The following FBXW8 variants were observed in gnomAD, a reference collection of about 807,000 sequenced individuals.
FBXW8 encodes the protein F-box and WD repeat domain containing 8, also known as F-box/WD repeat-containing protein 8.
A neutral mutation model predicts 65.3 loss-of-function variants in FBXW8; 57 were observed. The observed-to-expected ratio is 0.87, with a 90% CI of 0.71 to 1.09. The LOEUF (loss-of-function observed/expected upper bound fraction) is 1.09. FBXW8 is among the 50% of genes least tolerant of loss of function. The probability of loss-of-function intolerance (pLI) is 0.00; values close to 1 mark genes in which losing one functional copy is unlikely to be tolerated. For synonymous variants in FBXW8, 308 were observed against 330.2 expected (o/e 0.93, Z 0.73); for missense variants, 777 against 814.8 (o/e 0.95, Z 0.57).
rs575068135 is a variant in FBXW8, at chr12:117,028,588, T to C, written c.*416T>C. ...CTTTTCCTCCGAGGGCCTTTGGATG[T>C]GCTTGTTCCTGGCCTCCAAGGCAAT... On this transcript the variant is annotated 3_prime_UTR_variant, in exon 11 of 11. Coordinates refer to ENST00000652555, the MANE Select transcript of FBXW8 (RefSeq NM_153348.3). The surrounding 1 kb of genome is among the most constrained non-coding windows in gnomAD (Gnocchi z 4.1). 4.0e-5 allele frequency: 7 copies of C among 174,584 alleles called. No individual in the cohort carries two copies. In the South Asian group the frequency reaches 1.0e-3, roughly 26 times the overall value. The allele number at this position is 174,584 out of a possible 1,614,324, so 10.8% of individuals were successfully genotyped here.
At chr12:116,926,162 G>T (rs1038216465) in intron 1 of FBXW8, among the ~76,000 whole-genome samples, 6 of 152,212 alleles carry the variant, frequency 3.9e-5, no homozygotes, top group African/African-American at 1.4e-4. Context: ...ATAGCATCAA[G>T]TCCAGACACC....
At chr12:116,984,616 G>A (rs1885536587) in intron 5 of FBXW8, among the ~76,000 whole-genome samples, 1 of 152,222 alleles carries the variant, frequency 6.6e-6, no homozygotes, top group African/African-American at 2.4e-5. Context: ...GCTACATGTA[G>A]GAAATTTCAC....
chr12:116,967,159 C>CT (rs769662348), intron 5 of FBXW8, among the ~76,000 whole-genome samples: 4,632 of 142,164 alleles, frequency 0.033, 183 homozygotes, highest in African/African-American at 0.092. Flanking sequence ...TTCTCTGCAC[C>CT]TTTTTTTTTT....
intron 4 of FBXW8, among the ~76,000 whole-genome samples, chr12:116,951,835 G>A (rs959354370): frequency 2.0e-5 from 3 of 152,270 alleles, no homozygotes; most frequent in South Asian, 4.1e-4. Flanking sequence ...ATAGTCACTC[G>A]TTGATAAACG....
chr12:116,989,901 T>G (rs1382644806), intron 7 of FBXW8, among the ~76,000 whole-genome samples: 1 of 152,208 alleles, frequency 6.6e-6, no homozygotes, highest in Non-Finnish European at 1.5e-5. Flanking sequence ...AGTTGTAGGA[T>G]TAAATGAAAA....
intron 7 of FBXW8, among the ~76,000 whole-genome samples, chr12:117,001,791 C>G (rs1953528365): frequency 6.6e-6 from 1 of 152,166 alleles, no homozygotes; most frequent in Non-Finnish European, 1.5e-5. Context: ...CTTCGCTGGA[C>G]TCACTGCTCT....
chr12:116,947,858 C>T (rs1336343525), intron 3 of FBXW8, among the ~76,000 whole-genome samples: 1 of 152,112 alleles, frequency 6.6e-6, no homozygotes, highest in Non-Finnish European at 1.5e-5. Flanking sequence ...TGGCACTGCT[C>T]ATGGCGTCAT....
chr12:116,911,867 A>T (rs576160946), intron 1 of FBXW8, among the ~76,000 whole-genome samples: 102 of 152,304 alleles, frequency 6.7e-4, no homozygotes, highest in Non-Finnish European at 1.2e-3. Flanking sequence ...GCACGTATTC[A>T]AAAAAATTAT....
chr12:116,947,242 T>C (rs967084802), intron 3 of FBXW8, among the ~76,000 whole-genome samples: 1 of 152,242 alleles, frequency 6.6e-6, no homozygotes, highest in Non-Finnish European at 1.5e-5. Flanking sequence ...GTTAGGTAAG[T>C]ACTCACTACA....
chr12:116,939,007 G>A (rs1475941905), intron 2 of FBXW8, among the ~76,000 whole-genome samples: 2 of 152,156 alleles, frequency 1.3e-5, no homozygotes, highest in Admixed American at 1.3e-4. Flanking sequence ...GGGCCTGAGT[G>A]CCCAGTACAT....
chr12:116,977,372 T>C (rs1418056239), intron 5 of FBXW8: 1 of 152,256 alleles, frequency 6.6e-6, no homozygotes, highest in African/African-American at 2.4e-5. Context: ...GCAGTGTGGC[T>C]GTTGAAAACG....
chr12:117,029,903 A>G lies in FBXW8; in HGVS notation c.*1731A>G, dbSNP rs1385481791. On this transcript the variant is annotated 3_prime_UTR_variant, in exon 11 of 11. Transcript: ENST00000652555. ...TGGGATTACAGGTGTAAGTCACTGT[A>G]CCCAGCCCAAAAGCAGTTTAAAAAA... 2 of 151,788 alleles carry G rather than the reference A, an allele frequency of 1.3e-5. No individual in the cohort carries two copies. Among genetic ancestry groups the G allele is most frequent in the Non-Finnish European group, 2.9e-5 (2 of 67,970 alleles). 9.4% of individuals were successfully genotyped at this position (151,788 alleles called of 1,614,324 possible).
chr12:116,984,686 A>T (rs974117804), intron 5 of FBXW8, among the ~76,000 whole-genome samples: 7 of 152,238 alleles, frequency 4.6e-5, no homozygotes. Context: ...CTTCATGCAC[A>T]GAATTATTTA....
chr12:116,916,478 C>T (rs1339175003), intron 1 of FBXW8, among the ~76,000 whole-genome samples: 2 of 152,182 alleles, frequency 1.3e-5, no homozygotes, highest in African/African-American at 4.8e-5. Context: ...GGGTAATAAC[C>T]ACTGCCCCCA....
At chr12:116,976,544 C>T (rs1592911580) in intron 5 of FBXW8, among the ~76,000 whole-genome samples, 1 of 148,846 alleles carries the variant, frequency 6.7e-6, no homozygotes, top group Middle Eastern at 3.5e-3. Context: ...CAACCTCCAC[C>T]TCCCAGGTTC....
At chr12:116,945,635 G>A (rs1882883150) in intron 3 of FBXW8, 107 bp downstream of exon 3, 1 of 1,076,386 alleles carries the variant, frequency 9.3e-7, no homozygotes, top group African/African-American at 1.5e-5. Flanking sequence ...CGAAGGGAGA[G>A]GGGTACACTG....
intron 7 of FBXW8, among the ~76,000 whole-genome samples, chr12:116,993,760 T>C (rs921804225): frequency 2.0e-5 from 3 of 152,246 alleles, no homozygotes; most frequent in Non-Finnish European, 4.4e-5. Flanking sequence ...TTAGGTGTCA[T>C]TTATTTGTTT....
intron 7 of FBXW8, among the ~76,000 whole-genome samples, chr12:117,007,270 A>G (rs999745740): frequency 1.5e-4 from 23 of 152,182 alleles, no homozygotes; most frequent in African/African-American, 5.3e-4. Flanking sequence ...AGAAAAAAAA[A>G]AACAGATGAA....
intron 5 of FBXW8, among the ~76,000 whole-genome samples, chr12:116,969,707 C>T (rs372743666): frequency 6.6e-6 from 1 of 151,842 alleles, no homozygotes; most frequent in Non-Finnish European, 1.5e-5. Flanking sequence ...CTGGTCTACA[C>T]GCACATTCTC....
Sources: gnomAD v4.1 joint callset for allele counts (sites outside exome capture counted in the v4.1 genomes callset) on GRCh38, gnomAD v4.1.1 for gene constraint, Gnocchi (gnomAD v3.1) non-coding constraint, MANE v1.5 for transcripts, NCBI Gene and HGNC (gene_info 2026-07-23, HGNC 2026-07-21) for gene names.